The following JAKMIP2 variants were observed in gnomAD, a reference collection of about 807,000 sequenced individuals.
The protein encoded by JAKMIP2 is janus kinase and microtubule interacting protein 2, also known as janus kinase and microtubule-interacting protein 2.
In JAKMIP2, 25 loss-of-function variants were observed where a neutral mutation model predicts 115.0. That is an observed-to-expected ratio of 0.22 (90% CI 0.16 to 0.30). JAKMIP2 has a LOEUF of 0.30. JAKMIP2 is among the 10% of genes least tolerant of loss of function. The pLI is 1.00. For synonymous variants in JAKMIP2, 334 were observed against 343.6 expected (o/e 0.97, Z 0.31); for missense variants, 642 against 957.6 (o/e 0.67, Z 4.35).
chr5:147,695,661 T>G (rs1752072023), intron 1 of JAKMIP2, among the ~76,000 whole-genome samples: 1 of 142,352 alleles, frequency 7.0e-6, no homozygotes, highest in African/African-American at 2.7e-5. Flanking sequence ...TGTGTGTGTG[T>G]GTGTGTGTGT....
intron 1 of JAKMIP2, among the ~76,000 whole-genome samples, chr5:147,731,533 T>A (rs1195873366): frequency 1.3e-5 from 2 of 152,218 alleles, no homozygotes; most frequent in African/African-American, 4.8e-5. Flanking sequence ...CATACTTAAG[T>A]TCGTGATCTC....
At chr5:147,767,076 T>C (rs998775148) in intron 1 of JAKMIP2, among the ~76,000 whole-genome samples, 5 of 152,120 alleles carry the variant, frequency 3.3e-5, no homozygotes, top group African/African-American at 1.2e-4. Flanking sequence ...CCTTTATGCA[T>C]TGGATTGAAT....
At chr5:147,714,842 T>A (rs1428667262) in intron 1 of JAKMIP2, among the ~76,000 whole-genome samples, 1 of 152,002 alleles carries the variant, frequency 6.6e-6, no homozygotes, top group African/African-American at 2.4e-5. Flanking sequence ...CCTTCAAGAA[T>A]GAAGGTAAAA....
At chr5:147,777,950 C>T (rs1328584025) in intron 1 of JAKMIP2, among the ~76,000 whole-genome samples, 2 of 152,006 alleles carry the variant, frequency 1.3e-5, no homozygotes, top group Admixed American at 6.5e-5. Flanking sequence ...ATCAGAAAGT[C>T]GTTGAACTGA....
At chr5:147,613,277 T>C (rs1484813336) in intron 19 of JAKMIP2, among the ~76,000 whole-genome samples, 1 of 152,116 alleles carries the variant, frequency 6.6e-6, no homozygotes, top group African/African-American at 2.4e-5. Context: ...ATTTAATACC[T>C]CTGTAGGGAA....
At chr5:147,628,554 C>T (rs1373763378) in intron 16 of JAKMIP2, among the ~76,000 whole-genome samples, 197 bp downstream of exon 16, 4 of 152,098 alleles carry the variant, frequency 2.6e-5, no homozygotes, top group Non-Finnish European at 4.4e-5. Context: ...AAATTAGCCA[C>T]CCATCCCAAA....
At chr5:147,706,649 C>A (rs1448136645) in intron 1 of JAKMIP2, among the ~76,000 whole-genome samples, 2 of 151,958 alleles carry the variant, frequency 1.3e-5, no homozygotes, top group African/African-American at 4.8e-5. Context: ...TATGATCTAC[C>A]CAAATATTAC....
intron 20 of JAKMIP2, among the ~76,000 whole-genome samples, chr5:147,604,848 T>A (rs1166917155): frequency 6.7e-6 from 1 of 148,576 alleles, no homozygotes; most frequent in African/African-American, 2.5e-5. Flanking sequence ...TATTATACTT[T>A]AAGTTCTGGG....
At chr5:147,592,155 G>A (rs999960572) in intron 21 of JAKMIP2, among the ~76,000 whole-genome samples, 3 of 152,144 alleles carry the variant, frequency 2.0e-5, no homozygotes, top group Non-Finnish European at 2.9e-5. Flanking sequence ...TCACACAAAA[G>A]TGAAAATAGT....
intron 1 of JAKMIP2, among the ~76,000 whole-genome samples, chr5:147,752,832 T>G (rs1754607192): frequency 6.6e-6 from 1 of 152,178 alleles, no homozygotes; most frequent in Non-Finnish European, 1.5e-5. Context: ...TCTAGCTTTT[T>G]GGCTAGAACA....
At chr5:147,683,400 G>A (rs1003417927) in intron 1 of JAKMIP2, among the ~76,000 whole-genome samples, 4 of 152,126 alleles carry the variant, frequency 2.6e-5, no homozygotes, top group African/African-American at 7.2e-5. Flanking sequence ...GTTGAGGCAC[G>A]AGAATCACTT....
chr5:147,687,551 T>C (rs6580494), intron 1 of JAKMIP2, among the ~76,000 whole-genome samples: 45,052 of 152,076 alleles, frequency 0.3, 7,797 homozygotes, highest in African/African-American at 0.48. Context: ...GTAAATATTA[T>C]GTAAGAAAAT....
chr5:147,771,083 T>G (rs893625282), intron 1 of JAKMIP2, among the ~76,000 whole-genome samples: 37 of 152,174 alleles, frequency 2.4e-4, no homozygotes, highest in African/African-American at 8.9e-4. Flanking sequence ...GATGAATATG[T>G]AACAATAACA....
At chr5:147,675,367 G>A (rs1759882478) in intron 1 of JAKMIP2, among the ~76,000 whole-genome samples, 1 of 152,070 alleles carries the variant, frequency 6.6e-6, no homozygotes, top group Non-Finnish European at 1.5e-5. Flanking sequence ...ACACCCCTCT[G>A]GTGGAGGAGA....
rs540095639 is a variant in JAKMIP2 at position 147,679,162 on chromosome 5, G to T, written c.-148-7208C>A. Among the ~76,000 whole-genome samples the T allele has an allele frequency of 4.6e-4, 70 of 152,068 alleles. No individual in the cohort carries two copies. The South Asian group carries it at 0.014, about 30-fold the overall frequency. ...TGCCCGGCTAATTTTTGTATTTTTA[G>T]TAGAGATGGGGTTTCTGTATGTTGT... On this transcript the variant is annotated intron_variant, in intron 1 of 21. Transcript: ENST00000616793.
At chr5:147,602,094 A>T (rs1256402478) in intron 20 of JAKMIP2, among the ~76,000 whole-genome samples, 3 of 152,234 alleles carry the variant, frequency 2.0e-5, no homozygotes, top group Non-Finnish European at 4.4e-5. Context: ...ACAGAGCAGT[A>T]AATCAATAGT....
chr5:147,614,960 C>T (rs1756498955), intron 19 of JAKMIP2, among the ~76,000 whole-genome samples: 1 of 152,184 alleles, frequency 6.6e-6, no homozygotes, highest in Non-Finnish European at 1.5e-5. Context: ...GAGAGGCCTC[C>T]TCTGACCAGC....
At chr5:147,717,981 G>T (rs1157963830) in intron 1 of JAKMIP2, among the ~76,000 whole-genome samples, 1 of 71,166 alleles carries the variant, frequency 1.4e-5, no homozygotes, top group South Asian at 6.2e-4. Flanking sequence ...TTGGCTGTGG[G>T]TTTGTCATAG....
chr5:147,663,515 A>G (rs112412171), intron 2 of JAKMIP2, among the ~76,000 whole-genome samples: 3,627 of 152,268 alleles, frequency 0.024, 171 homozygotes, highest in African/African-American at 0.082. Flanking sequence ...GCTTGCAGAC[A>G]GCCTATTGTG....
Sources: allele counts gnomAD v4.1 joint callset (sites outside exome capture counted in the v4.1 genomes callset), GRCh38; gene constraint gnomAD v4.1.1; transcripts MANE v1.5; gene names NCBI Gene and HGNC (gene_info 2026-07-23, HGNC 2026-07-21).